The following DTNBP1 variants were observed in gnomAD, a reference collection of about 807,000 sequenced individuals.
DTNBP1 encodes the protein dystrobrevin binding protein 1.
In DTNBP1, 35 loss-of-function variants were observed where a neutral mutation model predicts 42.8. That is an observed-to-expected ratio of 0.82 (90% CI 0.63 to 1.09). The LOEUF is 1.09. DTNBP1 is among the 50% of genes least tolerant of loss of function. The pLI, the probability that DTNBP1 is intolerant of heterozygous loss-of-function variation, is 0.00. For synonymous variants in DTNBP1, 171 were observed against 162.2 expected (o/e 1.05, Z -0.41); for missense variants, 457 against 424.2 (o/e 1.08, Z -0.68).
intron 7 of DTNBP1, among the ~76,000 whole-genome samples, chr6:15,588,928 T>C (rs1316749484): frequency 6.6e-6 from 1 of 152,224 alleles, no homozygotes; most frequent in African/African-American, 2.4e-5. Context: ...CTATTATTTC[T>C]ATATTATATT....
intron 6 of DTNBP1, among the ~76,000 whole-genome samples, chr6:15,605,443 T>A (rs370397751): frequency 6.6e-6 from 1 of 152,220 alleles, no homozygotes; most frequent in Non-Finnish European, 1.5e-5. Context: ...TTCTCACATA[T>A]CTTCTCAGAA....
intron 9 of DTNBP1, 118 bp from the exon 10 acceptor site, chr6:15,523,337 C>G: frequency 7.0e-7 from 1 of 1,421,764 alleles, no homozygotes; most frequent in South Asian, 1.2e-5. Context: ...TTGTTCCAGG[C>G]ACCTGGGGCC....
intron 6 of DTNBP1, among the ~76,000 whole-genome samples, chr6:15,614,212 C>T (rs960729934): frequency 6.6e-6 from 1 of 152,052 alleles, no homozygotes; most frequent in African/African-American, 2.4e-5. Context: ...AATAATCCAC[C>T]TCACCTATGT....
rs113088376 is a variant in DTNBP1 at position 15,613,322 on chromosome 6, A to G, written c.488+1945T>C. Among the ~76,000 whole-genome samples, 60 of 134,750 alleles carry G rather than the reference A, an allele frequency of 4.5e-4. 2 individuals carry two copies. The East Asian group carries it at 8.0e-3, about 18-fold the overall frequency. 88.4% of individuals were successfully genotyped at this position (134,750 alleles called of 152,430 possible). On this transcript the variant is annotated intron_variant, in intron 6 of 9. Transcript: ENST00000344537. ...CCATCTCAAAAAAAAAAAAAAAAAA[A>G]AAAAAAAAAATGCCCCTTTTTTGAC...
At chr6:15,566,852 C>A (rs149170678) in intron 7 of DTNBP1, among the ~76,000 whole-genome samples, 1 of 152,130 alleles carries the variant, frequency 6.6e-6, no homozygotes, top group Non-Finnish European at 1.5e-5. Flanking sequence ...AGGCACCCAC[C>A]ATCCTGCCTG....
chr6:15,635,196 G>A (rs918669311), intron 4 of DTNBP1, among the ~76,000 whole-genome samples: 1 of 152,006 alleles, frequency 6.6e-6, no homozygotes. Context: ...TCGGCTCATT[G>A]CAACCTCTGC....
At chr6:15,523,558 A>G (rs1233796349) in intron 9 of DTNBP1, 1 of 1,206,722 alleles carries the variant, frequency 8.3e-7, no homozygotes, top group Non-Finnish European at 1.0e-6. Flanking sequence ...GATAATCTAG[A>G]TTTCTTTTTT....
chr6:15,573,775 TC>T (rs1561967567), intron 7 of DTNBP1, among the ~76,000 whole-genome samples: 1 of 152,218 alleles, frequency 6.6e-6, no homozygotes, highest in Non-Finnish European at 1.5e-5. Context: ...TGGTGCGATC[TC>T]GGCTGACTGC....
chr6:15,621,959 A>C (rs768459245), intron 5 of DTNBP1, among the ~76,000 whole-genome samples: 1 of 152,158 alleles, frequency 6.6e-6, no homozygotes, highest in Non-Finnish European at 1.5e-5. Flanking sequence ...ATTCTGACTG[A>C]TATCATCCAA....
intron 5 of DTNBP1, among the ~76,000 whole-genome samples, chr6:15,617,520 C>T (rs1391610814): frequency 2.0e-5 from 3 of 151,968 alleles, no homozygotes; most frequent in African/African-American, 4.8e-5. Context: ...AGCATAAAAA[C>T]AGACATGCTG....
intron 7 of DTNBP1, among the ~76,000 whole-genome samples, chr6:15,555,528 G>A (rs1486956830): frequency 6.6e-6 from 1 of 152,186 alleles, no homozygotes; most frequent in Non-Finnish European, 1.5e-5. Context: ...AGATGGGGAT[G>A]AAAGTGACCT....
intron 4 of DTNBP1, among the ~76,000 whole-genome samples, chr6:15,630,314 G>C (rs1355268763): frequency 1.3e-5 from 2 of 152,166 alleles, no homozygotes; most frequent in Admixed American, 6.5e-5. Flanking sequence ...CATGTTATCT[G>C]CCCAAGGTCA....
In DTNBP1 at chr6:15,615,402, GA is replaced by G. The variant is rs776745534; in HGVS notation, c.356-4del. On this transcript the variant is annotated splice_region_variant and splice_polypyrimidine_tract_variant and intron_variant, in intron 5 of 9. Transcript: ENST00000344537. Reference sequence around the variant, plus strand: ...CTCAAAACTCGCCTCTAAATGAGCTGAAAGTATATAAAAATAAACAGACCTC... The same window carrying G: ...CTCAAAACTCGCCTCTAAATGAGCTGAAGTATATAAAAATAAACAGACCTC... The G allele has an allele frequency of 6.2e-7, 1 of 1,613,770 alleles. No individual in the cohort carries two copies. The highest frequency in any genetic ancestry group is 8.5e-7 in the Non-Finnish European group (1 of 1,179,998).
At chr6:15,632,517 C>T (rs888055780) in intron 4 of DTNBP1, among the ~76,000 whole-genome samples, 1 of 152,164 alleles carries the variant, frequency 6.6e-6, no homozygotes, top group Non-Finnish European at 1.5e-5. Context: ...AACTTACCAT[C>T]TACCCAAAAC....
chr6:15,543,241 G>A (rs994178219), intron 7 of DTNBP1, among the ~76,000 whole-genome samples: 19 of 152,000 alleles, frequency 1.3e-4, no homozygotes, highest in Non-Finnish European at 2.5e-4. Flanking sequence ...TTTTTACTTC[G>A]AAATAATTAT....
intron 3 of DTNBP1, among the ~76,000 whole-genome samples, chr6:15,640,609 T>C (rs573067820): frequency 1.3e-5 from 2 of 152,282 alleles, no homozygotes; most frequent in South Asian, 4.1e-4. Context: ...TATAGGAATA[T>C]AGGAAAGTAA....
chr6:15,559,491 T>C (rs1399171131), intron 7 of DTNBP1, among the ~76,000 whole-genome samples: 2 of 152,196 alleles, frequency 1.3e-5, no homozygotes, highest in African/African-American at 2.4e-5. Context: ...TGACAACCAG[T>C]TCATTGGCTA....
chr6:15,637,867 A>G (rs776760186), intron 3 of DTNBP1, 63 bp from the exon 4 acceptor site: 52 of 1,501,158 alleles, frequency 3.5e-5, no homozygotes, highest in Non-Finnish European at 2.6e-5. Flanking sequence ...TACTATCTAA[A>G]GATGAATGTG....
At chr6:15,570,652 T>A (rs1271075978) in intron 7 of DTNBP1, among the ~76,000 whole-genome samples, 1 of 152,238 alleles carries the variant, frequency 6.6e-6, no homozygotes, top group African/African-American at 2.4e-5. Flanking sequence ...TGCAATAAAG[T>A]CACTTTCCTT....
Sources: gnomAD v4.1 joint callset for allele counts (sites outside exome capture counted in the v4.1 genomes callset) on GRCh38, gnomAD v4.1.1 for gene constraint, MANE v1.5 for transcripts, NCBI Gene and HGNC (gene_info 2026-07-23, HGNC 2026-07-21) for gene names.